Variants in SLC39A11 observed in about 807,000 individuals in gnomAD.
SLC39A11 encodes the protein zinc transporter ZIP11.
SLC39A11 carries 33 observed loss-of-function variants against 36.1 expected under a neutral mutation model. The observed-to-expected ratio is 0.91, with a 90% CI of 0.69 to 1.22. The LOEUF (loss-of-function observed/expected upper bound fraction) is 1.22. SLC39A11 is among the 50% of genes most tolerant of loss of function. SLC39A11 has a pLI of 0.00. For missense variants in SLC39A11, 432 were observed against 430.3 expected (o/e 1.00, Z -0.03); for synonymous variants, 166 against 170.3 (o/e 0.97, Z 0.20).
intron 4 of SLC39A11, among the ~76,000 whole-genome samples, chr17:73,003,503 G>A (rs2089945016): frequency 6.6e-6 from 1 of 152,140 alleles, no homozygotes; most frequent in Non-Finnish European, 1.5e-5. Flanking sequence ...AGGCAGACAA[G>A]ACCCCAGGCT....
chr17:72,947,414 G>A (rs1442407695), intron 5 of SLC39A11: 4 of 314,028 alleles, frequency 1.3e-5, no homozygotes, highest in Admixed American at 8.5e-5. Context: ...TCAGAGAGGG[G>A]GACACTGAGG....
At chr17:72,692,510 A>G (rs569876361) in intron 7 of SLC39A11, among the ~76,000 whole-genome samples, 33 of 152,302 alleles carry the variant, frequency 2.2e-4, no homozygotes, top group Non-Finnish European at 4.3e-4. Context: ...TGGCAGCAAG[A>G]GAAAATGAGG....
At chr17:72,753,814 A>G (rs943448471) in intron 6 of SLC39A11, among the ~76,000 whole-genome samples, 1 of 150,552 alleles carries the variant, frequency 6.6e-6, no homozygotes, top group African/African-American at 2.5e-5. Context: ...ATTTCCTTAA[A>G]GAACTATAAG....
At chr17:72,651,681 G>C (rs1477459922) in intron 7 of SLC39A11, among the ~76,000 whole-genome samples, 5 of 152,174 alleles carry the variant, frequency 3.3e-5, no homozygotes, top group African/African-American at 1.2e-4. Flanking sequence ...GGACAAAGCA[G>C]CTTCCCCAGG....
chr17:73,021,347 T>C (rs7220572), intron 4 of SLC39A11, among the ~76,000 whole-genome samples: 137,590 of 150,474 alleles, frequency 0.91, 62,711 homozygotes, highest in Middle Eastern at 0.95. Flanking sequence ...TCTTTCTTTC[T>C]TTTTTTTTTT....
intron 7 of SLC39A11, among the ~76,000 whole-genome samples, chr17:72,670,510 C>T (rs563263361): frequency 2.6e-5 from 4 of 152,164 alleles, no homozygotes; most frequent in Non-Finnish European, 5.9e-5. Context: ...CTTCCTTCTA[C>T]ATTTATTAAT....
chr17:72,769,669 C>T (rs556525272), intron 6 of SLC39A11, among the ~76,000 whole-genome samples: 20 of 152,022 alleles, frequency 1.3e-4, no homozygotes, highest in Non-Finnish European at 2.2e-4. Context: ...CTCAGCCTCC[C>T]GATTAGCTGC....
At chr17:72,971,045 G>A (rs1017359098) in intron 4 of SLC39A11, among the ~76,000 whole-genome samples, 1 of 152,178 alleles carries the variant, frequency 6.6e-6, no homozygotes, top group Non-Finnish European at 1.5e-5. Context: ...ACATCGGAGA[G>A]GCTGACTGTC....
chr17:72,973,324 C>A (rs1452306807), intron 4 of SLC39A11, among the ~76,000 whole-genome samples: 2 of 146,590 alleles, frequency 1.4e-5, no homozygotes, highest in South Asian at 4.4e-4. Flanking sequence ...GCCGGGGGGG[C>A]ACCAGGCTAC....
At chr17:72,760,248 G>T (rs991051966) in intron 6 of SLC39A11, among the ~76,000 whole-genome samples, 4 of 152,180 alleles carry the variant, frequency 2.6e-5, no homozygotes, top group African/African-American at 9.6e-5. Context: ...GGCTAGTCTT[G>T]AACTCCTGGC....
chr17:73,035,356 G>A (rs1267616757), intron 3 of SLC39A11, among the ~76,000 whole-genome samples: 1 of 152,076 alleles, frequency 6.6e-6, no homozygotes, highest in Non-Finnish European at 1.5e-5. Context: ...GGCTAGGCTG[G>A]CCTCGAACTC....
chr17:72,985,311 C>T (rs1025933172), intron 4 of SLC39A11, among the ~76,000 whole-genome samples: 3 of 151,684 alleles, frequency 2.0e-5, no homozygotes, highest in African/African-American at 7.3e-5. Context: ...CACAACTTTG[C>T]TGACGGGACT....
chr17:73,078,668 C>CT (rs1006796429), intron 3 of SLC39A11, among the ~76,000 whole-genome samples: 10 of 151,230 alleles, frequency 6.6e-5, no homozygotes, highest in African/African-American at 9.7e-5. Context: ...TGTTTTTTGT[C>CT]TTTTTTTTAA....
At chr17:72,675,152 A>C (rs2071200810) in intron 7 of SLC39A11, among the ~76,000 whole-genome samples, 1 of 152,050 alleles carries the variant, frequency 6.6e-6, no homozygotes, top group African/African-American at 2.4e-5. Flanking sequence ...TGTGCCCCCA[A>C]ATTTCATATT....
At chr17:72,993,705 C>G (rs1014717817) in intron 4 of SLC39A11, among the ~76,000 whole-genome samples, 1 of 152,200 alleles carries the variant, frequency 6.6e-6, no homozygotes, top group African/African-American at 2.4e-5. Context: ...GGCACAATGT[C>G]ACACTGTTGT....
intron 3 of SLC39A11, among the ~76,000 whole-genome samples, chr17:73,057,212 C>T (rs1474051705): frequency 6.6e-6 from 1 of 152,326 alleles, no homozygotes; most frequent in Non-Finnish European, 1.5e-5. Context: ...GCCACGCACC[C>T]GCCTTGTCCT....
chr17:72,749,356 C>T (rs1411512771), intron 6 of SLC39A11, among the ~76,000 whole-genome samples: 2 of 152,174 alleles, frequency 1.3e-5, no homozygotes, highest in African/African-American at 4.8e-5. Flanking sequence ...GGCTTCCTCT[C>T]CCTACGTCCA....
chr17:72,980,249 C>T (rs1050044207), intron 4 of SLC39A11, among the ~76,000 whole-genome samples: 3 of 152,032 alleles, frequency 2.0e-5, no homozygotes, highest in Non-Finnish European at 4.4e-5. Context: ...CTTTTCTATG[C>T]AAAAACAACG....
intron 5 of SLC39A11, among the ~76,000 whole-genome samples, chr17:72,908,722 C>G (rs2082800266): frequency 6.6e-6 from 1 of 152,138 alleles, no homozygotes; most frequent in Admixed American, 6.5e-5. Context: ...GCAAAGGACC[C>G]CAGCATGGTG....
Sources: allele counts gnomAD v4.1 joint callset (sites outside exome capture counted in the v4.1 genomes callset), GRCh38; gene constraint gnomAD v4.1.1; transcripts MANE v1.5; gene names NCBI Gene and HGNC (gene_info 2026-07-23, HGNC 2026-07-21).